Variants in NXPE1 observed in about 807,000 individuals in gnomAD.
The protein encoded by NXPE1 is neurexophilin and PC-esterase domain family member 1, also known as NXPE family member 1.
Under a neutral mutation model 33.3 loss-of-function variants are expected in NXPE1, and 31 were observed. The observed-to-expected ratio is 0.93, with a 90% CI of 0.70 to 1.26. The LOEUF (loss-of-function observed/expected upper bound fraction) is 1.26. NXPE1 is among the 50% of genes most tolerant of loss of function. NXPE1 has a pLI of 0.00. For synonymous variants in NXPE1, 229 were observed against 231.4 expected (o/e 0.99, Z 0.09); for missense variants, 661 against 655.6 (o/e 1.01, Z -0.09).
chr11:114,528,007 G>T, intron 6 of NXPE1, 106 bp from the exon 7 acceptor site: 1 of 711,052 alleles, frequency 1.4e-6, no homozygotes, highest in Non-Finnish European at 2.3e-6. Context: ...TCTATAACTG[G>T]AAGCTGTTAT....
intron 1 of NXPE1, among the ~76,000 whole-genome samples, chr11:114,557,634 CATAT>C (rs4019608): frequency 0.12 from 15,136 of 127,052 alleles, 1,013 homozygotes; most frequent in Middle Eastern, 0.17. Context: ...ATATATAATA[CATAT>C]ATATATATAT....
chr11:114,551,331 T>A (rs78482702), intron 4 of NXPE1, 52 bp downstream of exon 4: 1 of 1,385,110 alleles, frequency 7.2e-7, no homozygotes, highest in Non-Finnish European at 9.5e-7. Context: ...TGAGTCACTG[T>A]CTTCTTTCCC....
At chr11:114,556,720 C>T (rs762772945) in intron 1 of NXPE1, among the ~76,000 whole-genome samples, 18 of 151,852 alleles carry the variant, frequency 1.2e-4, no homozygotes, top group Non-Finnish European at 2.5e-4. Context: ...GAGTTTAATA[C>T]TGTTCTATGA....
At chr11:114,529,971 A>G in intron 6 of NXPE1, 1 of 534,264 alleles carries the variant, frequency 1.9e-6, no homozygotes, top group South Asian at 3.3e-5. Flanking sequence ...CGGTTATAGC[A>G]AAACACATGA....
intron 5 of NXPE1, among the ~76,000 whole-genome samples, chr11:114,546,959 T>A (rs1948303594): frequency 6.6e-6 from 1 of 152,182 alleles, no homozygotes; most frequent in Non-Finnish European, 1.5e-5. Flanking sequence ...CACACTGATG[T>A]AAATGAATGA....
At chr11:114,551,024 T>C in intron 5 of NXPE1, 79 bp downstream of exon 5, 1 of 726,412 alleles carries the variant, frequency 1.4e-6, no homozygotes, top group Non-Finnish European at 2.4e-6. Flanking sequence ...GCAGGACTAA[T>C]GGAGTGGGAC....
intron 1 of NXPE1, chr11:114,553,948 G>T (rs1206406425): frequency 1.7e-5 from 17 of 985,272 alleles, no homozygotes; most frequent in Non-Finnish European, 6.0e-6. Flanking sequence ...GGGAGAGCAG[G>T]TTTGTCAGTA....
chr11:114,532,850 T>A (rs1458451395), intron 5 of NXPE1, among the ~76,000 whole-genome samples: 1 of 152,212 alleles, frequency 6.6e-6, no homozygotes, highest in Non-Finnish European at 1.5e-5. Context: ...GTGAAAAATC[T>A]TGTAGTATAA....
intron 5 of NXPE1, among the ~76,000 whole-genome samples, chr11:114,537,027 C>A (rs533381121): frequency 6.6e-6 from 1 of 151,950 alleles, no homozygotes. Context: ...TGCAAAAATC[C>A]GCAATAAAAT....
At chr11:114,549,743 G>A (rs1399577791) in intron 5 of NXPE1, among the ~76,000 whole-genome samples, 1 of 151,936 alleles carries the variant, frequency 6.6e-6, no homozygotes, top group Non-Finnish European at 1.5e-5. Context: ...AGTTAGAGAA[G>A]AGAAAGCAAT....
Position 114,522,518 on chromosome 11 carries a change from A to G in NXPE1, c.1109-15T>C, listed in dbSNP as rs1947245130. On this transcript the variant is annotated splice_polypyrimidine_tract_variant and intron_variant, in intron 8 of 8. Coordinates refer to ENST00000534921, the Ensembl canonical transcript of NXPE1. Reference sequence around the variant, plus strand: ...AAACTTCAGTGCTGATAAAAAAACAAATAGATGTTTTAAATAGAAGATAAT... The same window carrying G: ...AAACTTCAGTGCTGATAAAAAAACAGATAGATGTTTTAAATAGAAGATAAT... 9 of 1,551,948 alleles carry G rather than the reference A, an allele frequency of 5.8e-6. No individual in the cohort carries two copies. In the East Asian group the frequency reaches 2.0e-4, roughly 35 times the overall value.
At chr11:114,523,512 C>T (rs11215034) in intron 7 of NXPE1, among the ~76,000 whole-genome samples, 34,489 of 152,004 alleles carry the variant, frequency 0.23, 5,507 homozygotes, top group African/African-American at 0.44. Flanking sequence ...TTAATTTTTC[C>T]GTGTTCAAAA....
intron 5 of NXPE1, among the ~76,000 whole-genome samples, chr11:114,536,776 T>G (rs1018267484): frequency 1.1e-4 from 16 of 152,132 alleles, no homozygotes; most frequent in Non-Finnish European, 2.1e-4. Flanking sequence ...GCTCTGAAAT[T>G]GAGGCAATAA....
At chr11:114,530,436 G>C (rs1947536939) in exon 6 of NXPE1, 1 of 1,614,236 alleles carries the variant, frequency 6.2e-7, no homozygotes, top group Non-Finnish European at 8.5e-7. Flanking sequence ...CCTCCAGAGA[G>C]CCGACGCCCC....
chr11:114,520,428 A>G (rs550894371), downstream of NXPE1, among the ~76,000 whole-genome samples: 6 of 152,270 alleles, frequency 3.9e-5, no homozygotes, highest in South Asian at 2.1e-4. Flanking sequence ...CACCCATGTT[A>G]TTGCAAATAT....
chr11:114,537,704 C>T (rs1947891355), intron 5 of NXPE1, among the ~76,000 whole-genome samples: 1 of 151,898 alleles, frequency 6.6e-6, no homozygotes, highest in South Asian at 2.1e-4. Context: ...GAATAAAATA[C>T]CTAGGAATCC....
chr11:114,547,378 C>T (rs1221116610), intron 5 of NXPE1, among the ~76,000 whole-genome samples: 2 of 152,150 alleles, frequency 1.3e-5, no homozygotes, highest in Non-Finnish European at 2.9e-5. Context: ...AATACCAGAC[C>T]ACTGTTCCTT....
intron 5 of NXPE1, among the ~76,000 whole-genome samples, chr11:114,544,763 CT>C (rs1395689271): frequency 6.6e-6 from 1 of 152,118 alleles, no homozygotes; most frequent in Non-Finnish European, 1.5e-5. Context: ...GTGAAAGACA[CT>C]GTTAAGAGGA....
At chr11:114,549,255 T>C (rs515678) in intron 5 of NXPE1, among the ~76,000 whole-genome samples, 55,437 of 151,768 alleles carry the variant, frequency 0.37, 10,373 homozygotes, top group East Asian at 0.66. Flanking sequence ...ACAAAAAGCT[T>C]CCAAATCAAT....
Sources: gnomAD v4.1 joint callset for allele counts (sites outside exome capture counted in the v4.1 genomes callset) on GRCh38, gnomAD v4.1.1 for gene constraint, MANE v1.5 for transcripts, NCBI Gene and HGNC (gene_info 2026-07-23, HGNC 2026-07-21) for gene names.